Variants in SLC35A5 observed in about 807,000 individuals in gnomAD.
SLC35A5 encodes solute carrier family 35 member A5.
A neutral mutation model predicts 36.3 loss-of-function variants in SLC35A5; 28 were observed. The observed-to-expected ratio is 0.77, with a 90% CI of 0.57 to 1.06. The LOEUF (loss-of-function observed/expected upper bound fraction) is 1.06. Among genes scored for constraint, SLC35A5 ranks in the 50% least tolerant of loss-of-function variants. The pLI, the probability that SLC35A5 is intolerant of heterozygous loss-of-function variation, is 0.00. For missense variants in SLC35A5, 521 were observed against 499.3 expected, an observed-to-expected ratio of 1.04 and a Z score of -0.41; for synonymous variants, 180 against 173.7, an observed-to-expected ratio of 1.04 and a Z score of -0.29.
In SLC35A5 at chr3:112,570,283, A is replaced by G. The variant is rs1934381056; in HGVS notation, c.230-257A>G. 3.3e-5 allele frequency among the ~76,000 whole-genome samples: 5 copies of G among 151,370 alleles called. 1 individual carries two copies. In the South Asian group the frequency reaches 1.0e-3, roughly 31 times the overall value. On this transcript the variant is annotated intron_variant, in intron 3 of 6. Coordinates refer to ENST00000492406, the MANE Select transcript of SLC35A5 (RefSeq NM_017945.5). The stretch of plus-strand genomic sequence containing the variant: ...TTATGCTCTTACAGCAGCAAGAGAA[A>G]CCACATATTTATTCTGAGTTGCCTT...
chr3:112,581,004 G>C lies in SLC35A5; in HGVS notation c.887G>C (p.Cys296Ser), dbSNP rs898620062. The C allele has an allele frequency of 1.9e-6, 3 of 1,614,116 alleles. No homozygotes were observed. The highest frequency in any genetic ancestry group is 3.3e-5 in the Admixed American group (2 of 60,004). The change falls in exon 6 of 7, where the codon TGT becomes TCT. Residue 296 changes from cysteine to serine, a missense_variant. Coordinates refer to ENST00000492406, the MANE Select transcript of SLC35A5 (RefSeq NM_017945.5). Reference protein sequence around the residue: ...QRSNRDQIKNCGFFYGHSAFS... With the variant: ...QRSNRDQIKNSGFFYGHSAFS... ...AGTAACCGTGATCAGATTAAGAACT[G>C]TGGATTTTTTTATGGCCACAGTGCA... is the stretch of plus-strand genomic sequence containing the variant.
chr3:112,583,324 C>T lies in SLC35A5; in HGVS notation c.*588C>T, dbSNP rs1206135546. 1 of 392,500 alleles carries T rather than the reference C, an allele frequency of 2.5e-6. No individual in the cohort carries two copies. The highest frequency in any genetic ancestry group is 4.5e-6 in the Non-Finnish European group (1 of 222,444). 24.3% of individuals were successfully genotyped at this position (392,500 alleles called of 1,614,324 possible). Reference sequence around the variant, plus strand: ...TTTGCTGAAGAAGCAGTTTCTCAGACACAACATCTCAGAATTTTAATTTTT... The same window carrying T: ...TTTGCTGAAGAAGCAGTTTCTCAGATACAACATCTCAGAATTTTAATTTTT... On this transcript the variant is annotated 3_prime_UTR_variant, in exon 7 of 7. Transcript: ENST00000492406.
chr3:112,561,414 G>T, upstream of SLC35A5: 1 of 1,596,720 alleles, frequency 6.3e-7, no homozygotes, highest in Non-Finnish European at 8.6e-7. Flanking sequence ...CTGAAAAGTC[G>T]AGCATGTGCC....
At chr3:112,570,274 G>A (rs994987326) in intron 3 of SLC35A5, among the ~76,000 whole-genome samples, 5 of 151,368 alleles carry the variant, frequency 3.3e-5, no homozygotes, top group African/African-American at 9.7e-5. Context: ...TCTTACAGCA[G>A]CAAGAGAAAC....
In SLC35A5 at chr3:112,582,961, A is replaced by T. The variant is rs535006631; in HGVS notation, c.*225A>T. Reference sequence around the variant, plus strand: ...GAGTAACAATATGAAGAATTCATTAATATCTCAGTACTTGATAAATCAGAA... The same window carrying T: ...GAGTAACAATATGAAGAATTCATTATTATCTCAGTACTTGATAAATCAGAA... On this transcript the variant is annotated 3_prime_UTR_variant, in exon 7 of 7. Coordinates refer to ENST00000492406, the MANE Select transcript of SLC35A5 (RefSeq NM_017945.5). 1 of 503,696 alleles carries T rather than the reference A, an allele frequency of 2.0e-6. No homozygotes were observed. The highest frequency in any genetic ancestry group is 1.9e-5 in the African/African-American group (1 of 51,320). The allele number at this position is 503,696 out of a possible 1,614,324, so 31.2% of individuals were successfully genotyped here.
At chr3:112,577,267 G>T (rs1934716460) in intron 5 of SLC35A5, among the ~76,000 whole-genome samples, 1 of 152,016 alleles carries the variant, frequency 6.6e-6, no homozygotes, top group Non-Finnish European at 1.5e-5. Flanking sequence ...ATACCTAAAG[G>T]CATTCTCATA....
chr3:112,562,608 CACTA>C (rs1173853195), intron 1 of SLC35A5, among the ~76,000 whole-genome samples: 1 of 152,216 alleles, frequency 6.6e-6, no homozygotes, highest in Non-Finnish European at 1.5e-5. Context: ...CCATTTCAAA[CACTA>C]ACTAGTTCAG....
At chr3:112,565,505 A>G (rs2464611) in intron 2 of SLC35A5, among the ~76,000 whole-genome samples, 34,445 of 152,182 alleles carry the variant, frequency 0.23, 7,130 homozygotes, top group African/African-American at 0.54. Context: ...GTAGCCAGGC[A>G]CAGTGGCTCA....
Position 112,581,252 on chromosome 3 carries a change from C to A in SLC35A5, c.1135C>A (p.Gln379Lys). The A allele has an allele frequency of 6.2e-7, 1 of 1,613,830 alleles. No homozygotes were observed. Among genetic ancestry groups the A allele is most frequent in the Admixed American group, 1.7e-5 (1 of 59,974 alleles). The change falls in exon 6 of 7, where the codon CAA becomes AAA. Residue 379 changes from glutamine (Q) to lysine (K), a missense_variant. Coordinates refer to ENST00000492406, the MANE Select transcript of SLC35A5 (RefSeq NM_017945.5). ...SIFIYNASKP[Q>K]VPEYAPRQER... ...ATTTATTTATAATGCCAGCAAGCCTCAAGTTCCGGAATACGCACCTAGGCA... is the reference window on the plus strand; with the variant it reads ...ATTTATTTATAATGCCAGCAAGCCTAAAGTTCCGGAATACGCACCTAGGCA...
intron 5 of SLC35A5, among the ~76,000 whole-genome samples, chr3:112,575,612 ACTTT>A (rs747408209): frequency 1.3e-5 from 2 of 152,086 alleles, no homozygotes; most frequent in Admixed American, 6.5e-5. Context: ...ATTTCTACAT[ACTTT>A]CTTATTTTCA....
At chr3:112,570,324 T>TA (rs1007816608) in intron 3 of SLC35A5, 35 of 369,314 alleles carry the variant, frequency 9.5e-5, no homozygotes, top group African/African-American at 6.9e-4. Flanking sequence ...ATACTTCTGT[T>TA]ATCTCAAATT....
intron 5 of SLC35A5, among the ~76,000 whole-genome samples, chr3:112,578,275 A>G (rs1259006029): frequency 6.6e-6 from 1 of 152,198 alleles, no homozygotes; most frequent in East Asian, 1.9e-4. Context: ...CTTAGTTTTC[A>G]TAAAAACAGC....
At chr3:112,568,592 A>G (rs1934301458) in intron 2 of SLC35A5, among the ~76,000 whole-genome samples, 1 of 152,232 alleles carries the variant, frequency 6.6e-6, no homozygotes, top group Non-Finnish European at 1.5e-5. Flanking sequence ...GCAGAGCCCT[A>G]GGCCAGTTGC....
intron 2 of SLC35A5, chr3:112,564,496 A>G (rs1370507570): frequency 2.0e-5 from 3 of 152,248 alleles, no homozygotes; most frequent in Admixed American, 6.5e-5. Context: ...AGTAGATGGA[A>G]TATACAATCG....
chr3:112,569,457 T>C (rs371359986), intron 3 of SLC35A5, among the ~76,000 whole-genome samples, 188 bp downstream of exon 3: 34 of 152,330 alleles, frequency 2.2e-4, no homozygotes, highest in African/African-American at 7.2e-4. Context: ...CAGAGCTGCA[T>C]AGGAAGGGGA....
chr3:112,584,430 A>G lies in SLC35A5; in HGVS notation c.*1694A>G, dbSNP rs537433696. On this transcript the variant is annotated 3_prime_UTR_variant, in exon 7 of 7. Transcript: ENST00000492406. Reference sequence around the variant, plus strand: ...ACATTTTTATCTCATAAAACATAAAAATTACAAAAATATTCTTACAAAGGT... The same window carrying G: ...ACATTTTTATCTCATAAAACATAAAGATTACAAAAATATTCTTACAAAGGT... 5 of 152,358 alleles carry G rather than the reference A, an allele frequency of 3.3e-5. No individual in the cohort carries two copies. The highest frequency in any genetic ancestry group is 3.3e-4 in the Admixed American group (5 of 15,302). 9.4% of individuals were successfully genotyped at this position (152,358 alleles called of 1,614,324 possible).
intron 2 of SLC35A5, 101 bp downstream of exon 2, chr3:112,563,634 T>C (rs190644344): frequency 8.2e-7 from 1 of 1,213,506 alleles, no homozygotes; most frequent in Non-Finnish European, 1.1e-6. Flanking sequence ...TAATAATGCC[T>C]TTTGCTTCAT....
At chr3:112,564,765 G>T (rs145777216) in intron 2 of SLC35A5, among the ~76,000 whole-genome samples, 1,619 of 152,282 alleles carry the variant, frequency 0.011, 27 homozygotes, top group African/African-American at 0.036. Context: ...AGTGTTTTGT[G>T]TCCCTGCGTA....
At chr3:112,575,305 A>G (rs1394356159) in intron 5 of SLC35A5, among the ~76,000 whole-genome samples, 1 of 152,184 alleles carries the variant, frequency 6.6e-6, no homozygotes. Context: ...GTTGTATAAT[A>G]TAAAAATATT....
Sources: gnomAD v4.1 joint callset for allele counts (sites outside exome capture counted in the v4.1 genomes callset) on GRCh38, gnomAD v4.1.1 for gene constraint, MANE v1.5 for transcripts, NCBI Gene and HGNC (gene_info 2026-07-23, HGNC 2026-07-21) for gene names.